Variants in CLYBL observed in about 807,000 individuals in gnomAD.
CLYBL encodes the protein citramalyl-CoA lyase, mitochondrial.
Under a neutral mutation model 38.9 loss-of-function variants are expected in CLYBL, and 31 were observed. The observed-to-expected ratio is 0.80, with a 90% confidence interval of 0.60 to 1.08. CLYBL has a LOEUF of 1.08. CLYBL is among the 50% of genes least tolerant of loss of function. The probability of loss-of-function intolerance (pLI) is 0.00; values close to 1 mark genes in which losing one functional copy is unlikely to be tolerated. For missense variants in CLYBL, 434 were observed against 411.6 expected, an observed-to-expected ratio of 1.05 and a Z score of -0.47; for synonymous variants, 171 against 158.6, an observed-to-expected ratio of 1.08 and a Z score of -0.59.
chr13:99,787,956 T>A lies in CLYBL; in HGVS notation c.249+14946T>A, dbSNP rs557155821. Among the ~76,000 whole-genome samples the A allele has an allele frequency of 1.4e-3, 207 of 152,288 alleles. 1 individual carries two copies. Among genetic ancestry groups the A allele is most frequent in the African/African-American group, 4.8e-3 (199 of 41,540 alleles). ...ATTCCTAGGTATTTTACTCTCTTTGTAGCAATTGTGAATGAGAGTTCACTC... is the reference window on the plus strand; with the variant it reads ...ATTCCTAGGTATTTTACTCTCTTTGAAGCAATTGTGAATGAGAGTTCACTC... On this transcript the variant is annotated intron_variant, in intron 2 of 8. Transcript: ENST00000339105.
chr13:99,726,284 C>T (rs1043162656), intron 1 of CLYBL: 1 of 152,106 alleles, frequency 6.6e-6, no homozygotes, highest in African/African-American at 2.4e-5. Context: ...TCCTCCATGC[C>T]AGGCTCATTG....
chr13:99,833,540 T>A (rs991490031), intron 2 of CLYBL, among the ~76,000 whole-genome samples: 1 of 151,930 alleles, frequency 6.6e-6, no homozygotes, highest in African/African-American at 2.4e-5. Flanking sequence ...CATAAATAAG[T>A]CATTAGAACT....
intron 1 of CLYBL, among the ~76,000 whole-genome samples, chr13:99,757,738 C>T (rs962207251): frequency 1.3e-5 from 2 of 152,278 alleles, no homozygotes; most frequent in East Asian, 1.9e-4. Flanking sequence ...GGATTATAGG[C>T]GTGAACCACT....
chr13:99,689,451 G>A (rs1474067573), intron 1 of CLYBL, among the ~76,000 whole-genome samples: 4 of 152,138 alleles, frequency 2.6e-5, no homozygotes, highest in African/African-American at 7.2e-5. Context: ...ACTTAGTGCA[G>A]GTATGCTTAA....
intron 2 of CLYBL, among the ~76,000 whole-genome samples, chr13:99,807,363 A>C (rs75176032): frequency 0.011 from 1,735 of 152,322 alleles, 10 homozygotes; most frequent in Middle Eastern, 0.044. Context: ...TCAGTTATCC[A>C]TAAGGATTGA....
At chr13:99,894,736 C>CGGG (rs71114646), downstream of CLYBL, 24 of 24,290 alleles carry the variant, frequency 9.9e-4, no homozygotes, top group African/African-American at 2.2e-3. Flanking sequence ...TTGCCTGAGG[C>CGGG]GGGGGGGGGG....
At chr13:99,805,946 T>A (rs1379143080) in intron 2 of CLYBL, among the ~76,000 whole-genome samples, 1 of 152,236 alleles carries the variant, frequency 6.6e-6, no homozygotes, top group Non-Finnish European at 1.5e-5. Flanking sequence ...TTTTAACAGA[T>A]GTATAGTATG....
chr13:99,904,741 A>C (rs1248604266), intron 8 of CLYBL, among the ~76,000 whole-genome samples: 1 of 152,242 alleles, frequency 6.6e-6, no homozygotes, highest in Non-Finnish European at 1.5e-5. Flanking sequence ...GTGTCAGCTC[A>C]AAACTGTACA....
intron 7 of CLYBL, among the ~76,000 whole-genome samples, chr13:99,890,010 A>G (rs2052447261): frequency 6.6e-6 from 1 of 152,226 alleles, no homozygotes; most frequent in African/African-American, 2.4e-5. Flanking sequence ...AGCAGGGTGG[A>G]TTAGGATGAA....
intron 1 of CLYBL, among the ~76,000 whole-genome samples, chr13:99,714,792 A>G (rs1171922177): frequency 3.3e-5 from 5 of 152,010 alleles, no homozygotes; most frequent in African/African-American, 1.2e-4. Context: ...TACTAAAAAC[A>G]CAAAAAATTA....
At chr13:99,641,035 A>G (rs2047084983) in intron 1 of CLYBL, among the ~76,000 whole-genome samples, 1 of 152,184 alleles carries the variant, frequency 6.6e-6, no homozygotes. Context: ...AGTTGGTTTT[A>G]TGAATCATAT....
In CLYBL at chr13:99,906,126, T is replaced by C. The variant is rs181288411; in HGVS notation, c.*160+721T>C. On this transcript the variant is annotated intron_variant and NMD_transcript_variant, in intron 9 of 9. Transcript: ENST00000689673. ...GAAAATGCTGAGAAGTTTGCCTCCA[T>C]TTGGTTATTTCACTTTGTTCCTTTT... is the stretch of plus-strand genomic sequence containing the variant. 2.4e-3 allele frequency among the ~76,000 whole-genome samples: 367 copies of C among 152,334 alleles called. 2 individuals are homozygous for C. Among genetic ancestry groups the C allele is most frequent in the Non-Finnish European group, 3.8e-3 (256 of 68,020 alleles).
At chr13:99,681,395 T>C (rs1056685273) in intron 1 of CLYBL, among the ~76,000 whole-genome samples, 1 of 152,134 alleles carries the variant, frequency 6.6e-6, no homozygotes, top group Non-Finnish European at 1.5e-5. Context: ...GCATACTATA[T>C]AAAAATAAAT....
At chr13:99,703,161 G>A (rs900650432) in intron 1 of CLYBL, among the ~76,000 whole-genome samples, 1 of 152,244 alleles carries the variant, frequency 6.6e-6, no homozygotes, top group Middle Eastern at 3.4e-3. Flanking sequence ...CATCCAATTT[G>A]TGTTTCCGGG....
chr13:99,828,638 A>T (rs549197797), intron 2 of CLYBL, among the ~76,000 whole-genome samples: 142 of 152,344 alleles, frequency 9.3e-4, no homozygotes, highest in Non-Finnish European at 1.9e-3. Context: ...GCTATTGCTA[A>T]GTGCGTCCCA....
chr13:99,897,666 T>G (rs2052598134), downstream of CLYBL, among the ~76,000 whole-genome samples: 1 of 152,052 alleles, frequency 6.6e-6, no homozygotes, highest in African/African-American at 2.4e-5. Context: ...GAAAACTGGG[T>G]CGGGTGCAGT....
chr13:99,687,570 T>C (rs188765285), intron 1 of CLYBL, among the ~76,000 whole-genome samples: 1 of 152,348 alleles, frequency 6.6e-6, no homozygotes, highest in East Asian at 1.9e-4. Flanking sequence ...AGTAGTATAC[T>C]GCTTGTGAAT....
At chr13:99,606,987 G>A (rs2046536045) in intron 1 of CLYBL, among the ~76,000 whole-genome samples, 1 of 152,174 alleles carries the variant, frequency 6.6e-6, no homozygotes, top group African/African-American at 2.4e-5. Context: ...ACACACCTTA[G>A]GTCGAATTAC....
intron 1 of CLYBL, among the ~76,000 whole-genome samples, chr13:99,707,319 G>C (rs925523891): frequency 6.6e-6 from 1 of 152,012 alleles, no homozygotes; most frequent in African/African-American, 2.4e-5. Context: ...GCCCAGACTG[G>C]AGTGTAGTGG....
Sources: gnomAD v4.1 joint callset for allele counts (sites outside exome capture counted in the v4.1 genomes callset) on GRCh38, gnomAD v4.1.1 for gene constraint, MANE v1.5 for transcripts, NCBI Gene and HGNC (gene_info 2026-07-23, HGNC 2026-07-21) for gene names.